Variants in TASP1 observed in about 807,000 individuals in gnomAD.
TASP1 encodes the protein threonine aspartase 1.
TASP1 carries 16 observed loss-of-function variants against 56.6 expected under a neutral mutation model. The observed-to-expected ratio is 0.28, with a 90% CI of 0.19 to 0.43. TASP1 has a LOEUF of 0.43. TASP1 is among the 20% of genes least tolerant of loss of function. TASP1 has a pLI of 1.00. For missense variants in TASP1, 393 were observed against 511.6 expected, an observed-to-expected ratio of 0.77 and a Z score of 2.24; for synonymous variants, 179 against 184.2, an observed-to-expected ratio of 0.97 and a Z score of 0.23.
intron 4 of TASP1, among the ~76,000 whole-genome samples, chr20:13,610,192 T>C (rs2048303400): frequency 6.6e-6 from 1 of 152,240 alleles, no homozygotes; most frequent in Admixed American, 6.5e-5. Context: ...AAAGTGGTAG[T>C]TGCACAACAC....
Position 13,618,547 on chromosome 20 carries a change from T to C in TASP1, c.282+4899A>G, listed in dbSNP as rs1286042032. On this transcript the variant is annotated intron_variant, in intron 4 of 13. Coordinates refer to ENST00000337743, the MANE Select transcript of TASP1 (RefSeq NM_017714.3). ...TATCAGTCACCTGAATAAGTTATTC[T>C]TAAAGGACTTCCCTAGAGTTTACAA... Among the ~76,000 whole-genome samples the C allele has an allele frequency of 1.7e-4, 26 of 152,328 alleles. No individual in the cohort carries two copies. In the East Asian group the frequency reaches 4.2e-3, roughly 25 times the overall value.
At chr20:13,406,581 T>A (rs1306289644) in intron 13 of TASP1, among the ~76,000 whole-genome samples, 2 of 152,146 alleles carry the variant, frequency 1.3e-5, no homozygotes, top group African/African-American at 2.4e-5. Flanking sequence ...CCAATTAGTA[T>A]GATTTTAGCT....
At chr20:13,493,735 T>C (rs1288065122) in intron 10 of TASP1, among the ~76,000 whole-genome samples, 7 of 152,164 alleles carry the variant, frequency 4.6e-5, no homozygotes, top group African/African-American at 1.7e-4. Flanking sequence ...TAAACTCCCT[T>C]TCATATACAT....
At chr20:13,185,419 T>C in the TASP1 span, among the ~76,000 whole-genome samples, 2 of 152,266 alleles carry the variant, frequency 1.3e-5, no homozygotes, top group African/African-American at 4.8e-5. Context: ...TTCCTGAAGA[T>C]ATTCCTTCTT....
the TASP1 span, among the ~76,000 whole-genome samples, chr20:13,136,604 C>CAT: frequency 6.5e-4 from 89 of 136,058 alleles, no homozygotes; most frequent in Middle Eastern, 4.0e-3. Context: ...CATCTAAAAA[C>CAT]ATATATATAT....
the TASP1 span, among the ~76,000 whole-genome samples, chr20:13,161,914 G>C: frequency 6.6e-6 from 1 of 152,104 alleles, no homozygotes; most frequent in Non-Finnish European, 1.5e-5. Flanking sequence ...GTACACAGTA[G>C]GTACACAGTA....
At chr20:13,152,899 A>G in the TASP1 span, among the ~76,000 whole-genome samples, 3 of 152,148 alleles carry the variant, frequency 2.0e-5, no homozygotes, top group African/African-American at 4.8e-5. Context: ...TGTTTACCCT[A>G]TTTCCATCTG....
the TASP1 span, among the ~76,000 whole-genome samples, chr20:13,339,935 C>T: frequency 1.3e-5 from 2 of 151,906 alleles, no homozygotes; most frequent in African/African-American, 4.8e-5. Flanking sequence ...TATAGAAACA[C>T]AAAGTATGTC....
the TASP1 span, among the ~76,000 whole-genome samples, chr20:13,290,872 T>C: frequency 6.6e-6 from 1 of 152,232 alleles, no homozygotes; most frequent in Admixed American, 6.5e-5. Flanking sequence ...CATAGAGGAT[T>C]AACTTGCCTA....
intron 11 of TASP1, among the ~76,000 whole-genome samples, chr20:13,461,140 A>G (rs1454081520): frequency 2.6e-5 from 4 of 152,112 alleles, no homozygotes; most frequent in Non-Finnish European, 5.9e-5. Flanking sequence ...TCTGTCTGGT[A>G]CGTTCTTCCC....
chr20:13,601,356 C>T (rs1389567669), intron 4 of TASP1, among the ~76,000 whole-genome samples: 1 of 151,816 alleles, frequency 6.6e-6, no homozygotes, highest in Non-Finnish European at 1.5e-5. Context: ...AAAAAGAAAT[C>T]ATAATGATGG....
chr20:13,208,442 C>G, the TASP1 span, among the ~76,000 whole-genome samples: 1 of 152,218 alleles, frequency 6.6e-6, no homozygotes, highest in Admixed American at 6.5e-5. Flanking sequence ...ACTTACCAAA[C>G]TATACTGCAG....
intron 4 of TASP1, among the ~76,000 whole-genome samples, chr20:13,601,846 C>T (rs1162238440): frequency 2.0e-5 from 3 of 149,808 alleles, no homozygotes; most frequent in Non-Finnish European, 4.4e-5. Context: ...AGGTCTTCCA[C>T]CTAAAAACCC....
intron 8 of TASP1, among the ~76,000 whole-genome samples, chr20:13,536,484 A>C (rs1568557109): frequency 6.6e-6 from 1 of 152,228 alleles, no homozygotes; most frequent in Non-Finnish European, 1.5e-5. Flanking sequence ...TTACACTTTG[A>C]ATAGCAAACA....
intron 12 of TASP1, among the ~76,000 whole-genome samples, chr20:13,421,500 T>C (rs1039433939): frequency 6.6e-6 from 1 of 152,112 alleles, no homozygotes; most frequent in Non-Finnish European, 1.5e-5. Flanking sequence ...TTTAAAGATC[T>C]CCTACAAATC....
At chr20:13,243,760 CT>C in the TASP1 span, among the ~76,000 whole-genome samples, 137 of 152,318 alleles carry the variant, frequency 9.0e-4, no homozygotes, top group African/African-American at 3.2e-3. Flanking sequence ...TGCACTATGT[CT>C]ATCCATTAAC....
chr20:13,236,268 G>A, the TASP1 span, among the ~76,000 whole-genome samples: 4 of 152,204 alleles, frequency 2.6e-5, no homozygotes, highest in Admixed American at 2.6e-4. Context: ...CAATTCTTAG[G>A]AGTAATACAG....
At chr20:13,416,509 G>A (rs2042260128) in intron 13 of TASP1, among the ~76,000 whole-genome samples, 1 of 152,102 alleles carries the variant, frequency 6.6e-6, no homozygotes, top group Non-Finnish European at 1.5e-5. Context: ...GGATAGTCAG[G>A]ATAGGTATTA....
the TASP1 span, among the ~76,000 whole-genome samples, chr20:13,219,201 G>C: frequency 2.0e-5 from 3 of 152,172 alleles, no homozygotes; most frequent in Admixed American, 6.5e-5. Context: ...ATTTGTTCCT[G>C]CGAGCCCGTA....
Sources: gnomAD v4.1 joint callset for allele counts (sites outside exome capture counted in the v4.1 genomes callset) on GRCh38, gnomAD v4.1.1 for gene constraint, MANE v1.5 for transcripts, NCBI Gene and HGNC (gene_info 2026-07-23, HGNC 2026-07-21) for gene names.